MGAT4C: variants seen among roughly 807,000 people sequenced by gnomAD.
MGAT4C encodes the protein alpha-1,3-mannosyl-glycoprotein 4-beta-N-acetylglucosaminyltransferase C.
MGAT4C carries 19 observed loss-of-function variants against 40.1 expected under a neutral mutation model. That is an observed-to-expected ratio of 0.47 (90% CI 0.33 to 0.70). The LOEUF (loss-of-function observed/expected upper bound fraction) is 0.70, where lower values mean the gene tolerates loss of function less well. MGAT4C is among the 30% of genes least tolerant of loss of function. The probability of loss-of-function intolerance (pLI) is 0.02; values close to 1 mark genes in which losing one functional copy is unlikely to be tolerated. For synonymous variants in MGAT4C, 181 were observed against 187.1 expected (o/e 0.97, Z 0.27); for missense variants, 491 against 563.2 (o/e 0.87, Z 1.30).
At chr12:86,365,548 A>T (rs370137377) in intron 3 of MGAT4C, among the ~76,000 whole-genome samples, 1 of 152,230 alleles carries the variant, frequency 6.6e-6, no homozygotes, top group African/African-American at 2.4e-5. Context: ...AAAGACAAGC[A>T]TAAGAAATTA....
chr12:86,375,887 G>A (rs1012832008), intron 3 of MGAT4C, among the ~76,000 whole-genome samples: 43 of 151,934 alleles, frequency 2.8e-4, no homozygotes, highest in Non-Finnish European at 2.8e-4. Flanking sequence ...ACTATACAAC[G>A]CATAATATTT....
intron 2 of MGAT4C, among the ~76,000 whole-genome samples, chr12:86,711,305 T>C (rs2136631495): frequency 6.6e-6 from 1 of 152,250 alleles, no homozygotes; most frequent in South Asian, 2.1e-4. Flanking sequence ...AGGTAAAGTC[T>C]GTACCTGGCG....
rs1283561174 is a variant in MGAT4C, at chr12:85,969,634, G to A, written c.*9655C>T. 6.6e-6 allele frequency: 1 copy of A among 151,536 alleles called. No homozygotes were observed. The highest frequency in any genetic ancestry group is 1.9e-4 in the East Asian group (1 of 5,190). The allele number at this position is 151,536 out of a possible 1,614,324, so 9.4% of individuals were successfully genotyped here. ...TAAATTCATTTTTCAACTATTTAATGTTATTTTAATATAGTCATATCATCC... is the reference window on the plus strand; with the variant it reads ...TAAATTCATTTTTCAACTATTTAATATTATTTTAATATAGTCATATCATCC... On this transcript the variant is annotated 3_prime_UTR_variant, in exon 5 of 5. Transcript: ENST00000611864.
intron 3 of MGAT4C, among the ~76,000 whole-genome samples, chr12:86,423,691 A>G (rs1410815323): frequency 6.6e-6 from 1 of 152,306 alleles, no homozygotes; most frequent in Admixed American, 6.5e-5. Context: ...GAAAAGTCCA[A>G]AACTTGATGT....
intron 3 of MGAT4C, among the ~76,000 whole-genome samples, chr12:86,420,932 CAT>C (rs1491173957): frequency 1.3e-5 from 2 of 150,718 alleles, no homozygotes; most frequent in Non-Finnish European, 3.0e-5. Context: ...CATACATATA[CAT>C]GTGTATATAT....
intron 1 of MGAT4C, among the ~76,000 whole-genome samples, chr12:86,788,076 C>A (rs1319733865): frequency 1.3e-5 from 2 of 151,574 alleles, no homozygotes. Flanking sequence ...TTTCAGTTTT[C>A]ATTTTCATGT....
At chr12:86,822,324 C>A (rs1030453838) in intron 1 of MGAT4C, among the ~76,000 whole-genome samples, 2 of 150,994 alleles carry the variant, frequency 1.3e-5, no homozygotes, top group Non-Finnish European at 3.0e-5. Flanking sequence ...AAACAAATCA[C>A]AAAATGGCAG....
intron 2 of MGAT4C, among the ~76,000 whole-genome samples, chr12:86,679,963 G>A (rs747067794): frequency 1.3e-5 from 2 of 152,000 alleles, no homozygotes; most frequent in Non-Finnish European, 2.9e-5. Flanking sequence ...TTGCCTTAGA[G>A]TATCCTCACC....
chr12:86,537,969 C>T (rs1254524315), intron 2 of MGAT4C, among the ~76,000 whole-genome samples: 1 of 152,034 alleles, frequency 6.6e-6, no homozygotes, highest in East Asian at 1.9e-4. Context: ...CGCCTGTAAT[C>T]CCAGCTACTC....
At chr12:86,476,133 A>T (rs1957832263) in intron 2 of MGAT4C, among the ~76,000 whole-genome samples, 2 of 152,252 alleles carry the variant, frequency 1.3e-5, no homozygotes, top group South Asian at 4.1e-4. Flanking sequence ...ATATGATGCA[A>T]TATTCTTTAT....
intron 1 of MGAT4C, among the ~76,000 whole-genome samples, chr12:86,242,571 G>A (rs1192986714): frequency 1.3e-5 from 2 of 152,002 alleles, no homozygotes; most frequent in Non-Finnish European, 2.9e-5. Context: ...CATTGACTTT[G>A]GACTAAAGTT....
At chr12:86,356,322 A>T (rs1049809495) in intron 3 of MGAT4C, among the ~76,000 whole-genome samples, 2 of 152,210 alleles carry the variant, frequency 1.3e-5, no homozygotes, top group East Asian at 3.9e-4. Context: ...CAATAATTAC[A>T]TTAAATGTTA....
At chr12:86,656,203 A>C (rs1402798442) in intron 2 of MGAT4C, among the ~76,000 whole-genome samples, 1 of 152,032 alleles carries the variant, frequency 6.6e-6, no homozygotes, top group Non-Finnish European at 1.5e-5. Flanking sequence ...TCCGTGGTAA[A>C]TCATAGCATA....
At chr12:86,317,622 A>G (rs780244894) in intron 4 of MGAT4C, among the ~76,000 whole-genome samples, 2 of 152,026 alleles carry the variant, frequency 1.3e-5, no homozygotes, top group Non-Finnish European at 2.9e-5. Context: ...TATGTAGATA[A>G]CAAAGCAAAC....
chr12:86,420,220 C>T (rs917561545), intron 3 of MGAT4C, among the ~76,000 whole-genome samples: 1 of 151,684 alleles, frequency 6.6e-6, no homozygotes, highest in Non-Finnish European at 1.5e-5. Context: ...TCTCTAAGAA[C>T]GATTTTTAAA....
At position 86,706,619 on chromosome 12, in the gene MGAT4C, T is replaced by C. The variant is rs1020929781; in HGVS notation, c.-229+20590A>G. Among the ~76,000 whole-genome samples the C allele has an allele frequency of 2.0e-5, 3 of 152,158 alleles. No individual in the cohort carries two copies. In the East Asian group the frequency reaches 5.8e-4, roughly 29 times the overall value. On this transcript the variant is annotated intron_variant, in intron 2 of 7. Transcript: ENST00000548651. ...TTTATAGTACATTCTTTAGCCCCCATAGAAGCAAGACAGAGTCCTCAATAT... is the reference window on the plus strand; with the variant it reads ...TTTATAGTACATTCTTTAGCCCCCACAGAAGCAAGACAGAGTCCTCAATAT...
chr12:86,697,331 C>T (rs965705851), intron 2 of MGAT4C, among the ~76,000 whole-genome samples: 1 of 152,022 alleles, frequency 6.6e-6, no homozygotes, highest in African/African-American at 2.4e-5. Flanking sequence ...TTTCTGCAAT[C>T]TTGACTAATT....
At chr12:86,104,730 G>A (rs1305201441) in intron 1 of MGAT4C, among the ~76,000 whole-genome samples, 1 of 152,152 alleles carries the variant, frequency 6.6e-6, no homozygotes, top group Non-Finnish European at 1.5e-5. Context: ...TCATATATAA[G>A]TGAAGTATGT....
intron 2 of MGAT4C, among the ~76,000 whole-genome samples, chr12:86,479,658 T>C (rs1330876515): frequency 1.3e-5 from 2 of 151,958 alleles, no homozygotes; most frequent in Non-Finnish European, 2.9e-5. Flanking sequence ...TTATAAAAAA[T>C]GTCTATAACA....
Sources: allele counts gnomAD v4.1 joint callset (sites outside exome capture counted in the v4.1 genomes callset), GRCh38; gene constraint gnomAD v4.1.1; transcripts MANE v1.5; gene names NCBI Gene and HGNC (gene_info 2026-07-23, HGNC 2026-07-21).